NAT1: variants seen among roughly 807,000 people sequenced by gnomAD.
The protein encoded by NAT1 is N-acetyltransferase 1, also known as arylamine N-acetyltransferase 1.
For missense variants in NAT1, 400 were observed against 339.2 expected (o/e 1.18, Z -1.41); for synonymous variants, 144 against 122.6 (o/e 1.17, Z -1.16).
chr8:18,202,910 G>T (rs1803534907), intron 2 of NAT1, among the ~76,000 whole-genome samples: 1 of 152,144 alleles, frequency 6.6e-6, no homozygotes, highest in South Asian at 2.1e-4. Flanking sequence ...CCTGCTGATT[G>T]GTCCATTTTA....
At chr8:18,218,003 C>T (rs1178659216) in intron 1 of NAT1, among the ~76,000 whole-genome samples, 1 of 152,110 alleles carries the variant, frequency 6.6e-6, no homozygotes, top group Non-Finnish European at 1.5e-5. Context: ...TTCCCTATAT[C>T]TGTATTGACT....
intron 1 of NAT1, among the ~76,000 whole-genome samples, chr8:18,216,088 A>C (rs1804629703): frequency 6.6e-6 from 1 of 152,170 alleles, no homozygotes; most frequent in African/African-American, 2.4e-5. Context: ...TGACATAAAC[A>C]AAAGGGGCAG....
At chr8:18,221,180 G>A (rs8190846) in intron 2 of NAT1, among the ~76,000 whole-genome samples, 2,765 of 152,078 alleles carry the variant, frequency 0.018, 49 homozygotes, top group Middle Eastern at 0.086. Context: ...TTTTTTGAAC[G>A]CTCAAGGCAG....
intron 2 of NAT1, among the ~76,000 whole-genome samples, chr8:18,181,423 A>G (rs1484204115): frequency 6.6e-6 from 1 of 152,188 alleles, no homozygotes; most frequent in African/African-American, 2.4e-5. Flanking sequence ...TTGATTTTGC[A>G]TCTTGCAACT....
At chr8:18,207,098 A>T (rs1206023171), upstream of NAT1, among the ~76,000 whole-genome samples, 1 of 152,204 alleles carries the variant, frequency 6.6e-6, no homozygotes, top group African/African-American at 2.4e-5. Context: ...ATGGCTAGCC[A>T]GTTCTCCCAG....
chr8:18,190,496 G>A (rs1332906396), intron 2 of NAT1, among the ~76,000 whole-genome samples: 1 of 152,224 alleles, frequency 6.6e-6, no homozygotes, highest in Non-Finnish European at 1.5e-5. Flanking sequence ...TCATTTTCAT[G>A]TTTATTAGCC....
chr8:18,206,673 T>A (rs970442455), upstream of NAT1, among the ~76,000 whole-genome samples: 1 of 152,236 alleles, frequency 6.6e-6, no homozygotes, highest in African/African-American at 2.4e-5. Flanking sequence ...TGCTTGTTTT[T>A]TTCTGGTAAA....
At chr8:18,187,446 C>A (rs555021741) in intron 2 of NAT1, among the ~76,000 whole-genome samples, 3 of 152,278 alleles carry the variant, frequency 2.0e-5, no homozygotes, top group Middle Eastern at 3.4e-3. Flanking sequence ...TGGAATTAAC[C>A]TAAATGCCCA....
At chr8:18,221,726 G>C (rs1805317798) in intron 2 of NAT1, 1 of 237,188 alleles carries the variant, frequency 4.2e-6, no homozygotes, top group South Asian at 7.5e-5. Context: ...TATTTTAAAG[G>C]ATACCAGTTG....
intron 2 of NAT1, among the ~76,000 whole-genome samples, chr8:18,201,565 G>A (rs1405074968): frequency 2.0e-5 from 3 of 152,044 alleles, no homozygotes; most frequent in African/African-American, 7.2e-5. Flanking sequence ...AGAAAAGGAA[G>A]AAAAGCATGG....
chr8:18,190,675 G>C (rs895373271), intron 2 of NAT1, among the ~76,000 whole-genome samples: 2 of 152,194 alleles, frequency 1.3e-5, no homozygotes, highest in African/African-American at 4.8e-5. Flanking sequence ...CAGGAGGCCA[G>C]TTTTATGCCT....
rs573610135 is a variant in NAT1 at position 18,174,324 on chromosome 8, C to T, written n.92+3585C>T. ...TCATCTGGACACATTCAGTCCCTGC[C>T]CTTGCTAATGAAGATTAAACACATC... On this transcript the variant is annotated intron_variant and non_coding_transcript_variant, in intron 2 of 4. Coordinates refer to the NAT1 transcript ENST00000517441. Among the ~76,000 whole-genome samples the T allele has an allele frequency of 2.0e-5, 3 of 152,202 alleles. No individual in the cohort carries two copies. In the East Asian group the frequency reaches 5.8e-4, roughly 29 times the overall value.
intron 2 of NAT1, among the ~76,000 whole-genome samples, chr8:18,188,459 GA>G (rs1802832052): frequency 6.6e-6 from 1 of 151,996 alleles, no homozygotes; most frequent in Admixed American, 6.6e-5. Context: ...ATTTATAAAT[GA>G]ATAAGTCTTA....
intron 2 of NAT1, among the ~76,000 whole-genome samples, chr8:18,219,705 G>A (rs10109780): frequency 0.031 from 4,658 of 152,280 alleles, 253 homozygotes; most frequent in African/African-American, 0.1. Flanking sequence ...GAAGCACAAC[G>A]TTAATAATGC....
intron 2 of NAT1, among the ~76,000 whole-genome samples, chr8:18,172,095 G>A (rs960817772): frequency 1.3e-5 from 2 of 152,134 alleles, no homozygotes; most frequent in African/African-American, 4.8e-5. Flanking sequence ...GGACAACAGT[G>A]AAAACTGCCC....
Position 18,222,912 on chromosome 8 carries a change from A to G in NAT1, c.865A>G (p.Thr289Ala), listed in dbSNP as rs1805501426. The G allele has an allele frequency of 6.5e-6, 10 of 1,549,364 alleles. No individual in the cohort carries two copies. Among genetic ancestry groups the G allele is most frequent in the Non-Finnish European group, 7.8e-6 (9 of 1,155,356 alleles). The change falls in exon 3 of 3, where the codon ACT (threonine) becomes GCT (alanine). Residue 289 changes from threonine (T) to alanine (A), a missense_variant. Thr to Ala is a moderately conservative substitution (Grantham distance 58). Transcript: ENST00000307719. ...GCCCAAACATGGTGATAGATTTTTTACTATTTAGAATAAGGAGTAAAACAA... is the reference window on the plus strand; with the variant it reads ...GCCCAAACATGGTGATAGATTTTTTGCTATTTAGAATAAGGAGTAAAACAA... ...LVPKHGDRFFTI is the reference protein window; with the variant it reads ...LVPKHGDRFFAI
chr8:18,178,939 T>A (rs1802398144), intron 2 of NAT1, among the ~76,000 whole-genome samples: 1 of 152,176 alleles, frequency 6.6e-6, no homozygotes, highest in Non-Finnish European at 1.5e-5. Flanking sequence ...ACAACAAGTG[T>A]TCTCCTCCAA....
At chr8:18,198,774 G>T (rs1041055458) in intron 2 of NAT1, among the ~76,000 whole-genome samples, 5 of 152,086 alleles carry the variant, frequency 3.3e-5, no homozygotes, top group Admixed American at 6.5e-5. Flanking sequence ...TCCTTTTGTA[G>T]TGAGAACACC....
intron 1 of NAT1, among the ~76,000 whole-genome samples, chr8:18,210,624 G>A (rs944735458): frequency 6.6e-6 from 1 of 152,214 alleles, no homozygotes; most frequent in African/African-American, 2.4e-5. Flanking sequence ...CCCCAGTGGT[G>A]TGTGTCCCAA....
Sources: gnomAD v4.1 joint callset for allele counts (sites outside exome capture counted in the v4.1 genomes callset) on GRCh38, gnomAD v4.1.1 for gene constraint, MANE v1.5 for transcripts, NCBI Gene and HGNC (gene_info 2026-07-23, HGNC 2026-07-21) for gene names.